Variants in DNAH6 observed in about 807,000 individuals in gnomAD.
The protein encoded by DNAH6 is dynein axonemal heavy chain 6.
Under a neutral mutation model 491.4 loss-of-function variants are expected in DNAH6, and 340 were observed. The ratio of observed to expected loss-of-function variants is 0.69; its 90% confidence interval spans 0.63 to 0.76. The LOEUF (loss-of-function observed/expected upper bound fraction) is 0.76. Ranked by LOEUF, DNAH6 falls within the 30% of genes least tolerant of loss-of-function variation. The pLI is 0.00. For missense variants in DNAH6, 4,443 were observed against 4,972.2 expected (o/e 0.89, Z 3.20); for synonymous variants, 1,603 against 1,686.1 (o/e 0.95, Z 1.21).
At chr2:84,785,866 C>G in intron 67 of DNAH6, 110 bp downstream of exon 67, 1 of 1,159,230 alleles carries the variant, frequency 8.6e-7, no homozygotes, top group Non-Finnish European at 1.2e-6. Flanking sequence ...GCTGAAGGCC[C>G]CATTCTGTGT....
intron 37 of DNAH6, among the ~76,000 whole-genome samples, chr2:84,665,713 C>G (rs10173215): frequency 0.77 from 116,839 of 152,076 alleles, 47,101 homozygotes; most frequent in East Asian, 0.93. Context: ...CTATTCCAAT[C>G]AATAGAAAAA....
chr2:84,697,502 A>G, intron 46 of DNAH6, 73 bp from the exon 47 acceptor site: 1 of 1,375,604 alleles, frequency 7.3e-7, no homozygotes, highest in Non-Finnish European at 9.7e-7. Flanking sequence ...TGTGAATTTT[A>G]GAATAAATAT....
rs1037158472 is a variant in DNAH6, at chr2:84,574,401, T to C, written c.1924+814T>C. On this transcript the variant is annotated intron_variant, in intron 12 of 76. Coordinates refer to ENST00000389394, the MANE Select transcript of DNAH6 (RefSeq NM_001370.2). Reference sequence around the variant, plus strand: ...CTACAGAATGAAAATAGTATCATCCTCCACCGAAATAGCAATTCCTTAATA... The same window carrying C: ...CTACAGAATGAAAATAGTATCATCCCCCACCGAAATAGCAATTCCTTAATA... 2.0e-5 allele frequency among the ~76,000 whole-genome samples: 3 copies of C among 152,200 alleles called. No homozygotes were observed. The East Asian group carries it at 5.8e-4, about 29-fold the overall frequency.
At chr2:84,703,638 G>A in intron 50 of DNAH6, 76 bp downstream of exon 50, 1 of 1,241,808 alleles carries the variant, frequency 8.1e-7, no homozygotes. Flanking sequence ...AGACACGATT[G>A]GATTTTTTTA....
intron 64 of DNAH6, among the ~76,000 whole-genome samples, chr2:84,767,301 G>A (rs566292650): frequency 4.6e-5 from 7 of 152,180 alleles, no homozygotes; most frequent in South Asian, 2.1e-4. Context: ...GGGAGTCTAC[G>A]TAGGAAGATC....
rs761592232 is a variant in DNAH6, at chr2:84,710,284, C to A, written c.9253-3C>A. On this transcript the variant is annotated splice_polypyrimidine_tract_variant and splice_region_variant and intron_variant, in intron 55 of 76. Coordinates refer to ENST00000389394, the MANE Select transcript of DNAH6 (RefSeq NM_001370.2). Reference sequence around the variant, plus strand: ...ATGTTCTGCTCTGTGCTTTTCCAAACAGGCAAACCGTTGGATAAGGAACAA... The same window carrying A: ...ATGTTCTGCTCTGTGCTTTTCCAAAAAGGCAAACCGTTGGATAAGGAACAA... The A allele has an allele frequency of 3.2e-6, 5 of 1,551,344 alleles. No homozygotes were observed. Among genetic ancestry groups the A allele is most frequent in the Non-Finnish European group, 4.4e-6 (5 of 1,146,828 alleles).
intron 67 of DNAH6, among the ~76,000 whole-genome samples, chr2:84,786,316 C>T (rs1218544077): frequency 6.6e-6 from 1 of 151,464 alleles, no homozygotes; most frequent in Non-Finnish European, 1.5e-5. Flanking sequence ...GTCCCAGCTA[C>T]TCAGGAGGCT....
intron 11 of DNAH6, among the ~76,000 whole-genome samples, chr2:84,567,831 A>C (rs1165574092): frequency 6.6e-6 from 1 of 152,200 alleles, no homozygotes; most frequent in Non-Finnish European, 1.5e-5. Context: ...TCTGCACAAC[A>C]AAAGAAACTA....
At position 84,525,653 on chromosome 2, in the gene DNAH6, A is replaced by G; in HGVS notation, c.314A>G (p.Lys105Arg). Residue 105 changes from lysine (K) to arginine (R), a missense_variant, in exon 3 of 77, where the codon AAA becomes AGA. Transcript: ENST00000389394. ...RFQLMTAGIIKRPVSIAKKSF... is the reference protein window; with the variant it reads ...RFQLMTAGIIRRPVSIAKKSF... ...CAGTTAATGACTGCAGGAATCATTA[A>G]ACGTCCAGTAAGCATAGCAAAAAAA... is the stretch of plus-strand genomic sequence containing the variant. 1.3e-6 allele frequency: 2 copies of G among 1,550,734 alleles called. No individual in the cohort carries two copies. The highest frequency in any genetic ancestry group is 1.7e-6 in the Non-Finnish European group (2 of 1,146,386).
At chr2:84,625,910 T>C (rs888538921) in intron 29 of DNAH6, among the ~76,000 whole-genome samples, 1 of 152,314 alleles carries the variant, frequency 6.6e-6, no homozygotes, top group Middle Eastern at 3.4e-3. Flanking sequence ...TTTAAATAAC[T>C]TTTTCAGTTA....
chr2:84,558,031 C>A, intron 11 of DNAH6, 96 bp downstream of exon 11: 1 of 844,886 alleles, frequency 1.2e-6, no homozygotes, highest in Non-Finnish European at 1.7e-6. Flanking sequence ...AAATGTTCTA[C>A]ATGTGAAAAT....
chr2:84,527,301 T>C (rs1011358073), intron 3 of DNAH6, among the ~76,000 whole-genome samples: 1 of 152,092 alleles, frequency 6.6e-6, no homozygotes, highest in Non-Finnish European at 1.5e-5. Flanking sequence ...CCCCCAAATC[T>C]GAACCTATGT....
intron 49 of DNAH6, among the ~76,000 whole-genome samples, chr2:84,702,708 A>G (rs1696046165): frequency 6.6e-6 from 1 of 151,750 alleles, no homozygotes; most frequent in African/African-American, 2.4e-5. Context: ...ACGCCCGACT[A>G]ATTTTTTGTA....
intron 63 of DNAH6, among the ~76,000 whole-genome samples, chr2:84,753,404 T>C (rs1238614347): frequency 6.6e-6 from 1 of 152,158 alleles, no homozygotes; most frequent in Non-Finnish European, 1.5e-5. Flanking sequence ...TTATCTATTT[T>C]TTTTTCTTCT....
chr2:84,529,027 C>T lies in DNAH6; in HGVS notation c.523C>T (p.Arg175Ter), dbSNP rs371570938. ...SAYPKYTFHD[R>*]EEVVKANIRD... Reference sequence around the variant, plus strand: ...TTACCCTAAGTACACTTTTCACGACCGAGAAGAAGTTGTTAAAGCCAACAT... The same window carrying T: ...TTACCCTAAGTACACTTTTCACGACTGAGAAGAAGTTGTTAAAGCCAACAT... The change falls in exon 4 of 77, where the codon CGA becomes TGA. Residue 175 changes from arginine to a stop codon, truncating the protein, a stop_gained. Coordinates refer to ENST00000389394, the MANE Select transcript of DNAH6 (RefSeq NM_001370.2). LOFTEE classifies it high-confidence loss of function. 10 of 1,550,986 alleles carry T rather than the reference C, an allele frequency of 6.4e-6. No homozygotes were observed. The highest frequency in any genetic ancestry group is 2.0e-5 in the Admixed American group (1 of 50,930).
chr2:84,524,812 C>T (rs1676463075), intron 2 of DNAH6, among the ~76,000 whole-genome samples: 1 of 152,038 alleles, frequency 6.6e-6, no homozygotes, highest in African/African-American at 2.4e-5. Context: ...ACTTGTGATC[C>T]TGTTCTCTAT....
chr2:84,545,675 A>G (rs1313716222), intron 5 of DNAH6, among the ~76,000 whole-genome samples: 4 of 152,092 alleles, frequency 2.6e-5, no homozygotes, highest in South Asian at 2.1e-4. Context: ...CCTTTTAAGC[A>G]AGGATTGGCC....
chr2:84,669,215 T>C (rs1017488249), intron 37 of DNAH6, 74 bp from the exon 38 acceptor site: 2 of 1,170,756 alleles, frequency 1.7e-6, no homozygotes, highest in African/African-American at 1.5e-5. Flanking sequence ...TTTTTTTCTA[T>C]GTGAGTGTAT....
intron 72 of DNAH6, among the ~76,000 whole-genome samples, chr2:84,811,286 AT>A (rs1447099684): frequency 6.6e-6 from 1 of 152,178 alleles, no homozygotes; most frequent in Non-Finnish European, 1.5e-5. Flanking sequence ...GTCAACATAA[AT>A]TTTGCCTCTA....
Sources: allele counts gnomAD v4.1 joint callset (sites outside exome capture counted in the v4.1 genomes callset), GRCh38; gene constraint gnomAD v4.1.1; transcripts MANE v1.5; gene names NCBI Gene and HGNC (gene_info 2026-07-23, HGNC 2026-07-21).